GM2A: variants seen among roughly 807,000 people sequenced by gnomAD.
GM2A encodes the protein GM2 ganglioside activator.
A neutral mutation model predicts 12.9 loss-of-function variants in GM2A; 7 were observed. The observed-to-expected ratio is 0.54, with a 90% CI of 0.31 to 1.02. The LOEUF is 1.02. GM2A is among the 50% of genes least tolerant of loss of function. The pLI, the probability that GM2A is intolerant of heterozygous loss-of-function variation, is 0.05. For synonymous variants in GM2A, 101 were observed against 96.0 expected, an observed-to-expected ratio of 1.05 and a Z score of -0.30; for missense variants, 246 against 241.0, an observed-to-expected ratio of 1.02 and a Z score of -0.14.
intron 2 of GM2A, among the ~76,000 whole-genome samples, chr5:151,261,686 G>A (rs1459146921): frequency 6.6e-6 from 1 of 152,162 alleles, no homozygotes; most frequent in Non-Finnish European, 1.5e-5. Context: ...CAATGTGCCT[G>A]CCTCGGCCTC....
In GM2A at chr5:151,267,815, C is replaced by CTT. The variant is rs397712620; in HGVS notation, c.*375_*376dup. On this transcript the variant is annotated 3_prime_UTR_variant, in exon 4 of 4. Transcript: ENST00000357164. ...TCTTTATGACTCTCTCTCTTTCACT[C>CTT]TTTTTTTTTTTTGTCACTAAGTTAA... The CTT allele has an allele frequency of 2.0e-5, 21 of 1,030,732 alleles. No individual in the cohort carries two copies. The highest frequency in any genetic ancestry group is 4.1e-5 in the South Asian group (2 of 48,306). The allele number at this position is 1,030,732 out of a possible 1,614,324, so 63.8% of individuals were successfully genotyped here. A position where few individuals can be genotyped will look rare whatever the true frequency, so the allele number is the denominator to read the frequency against.
At position 151,262,122 on chromosome 5, in the gene GM2A, C is replaced by T. The variant is rs78608090; in HGVS notation, c.243+2206C>T. ...ACTTTGGGAATAACCTGTTTGTTTC[C>T]ATCCATTGACTATTTTAGGGGTGTA... On this transcript the variant is annotated intron_variant, in intron 2 of 3. Coordinates refer to ENST00000357164, the MANE Select transcript of GM2A (RefSeq NM_000405.5). Among the ~76,000 whole-genome samples the T allele has an allele frequency of 5.6e-3, 859 of 152,242 alleles. 38 individuals carry two copies. In the East Asian group the frequency reaches 0.093, roughly 16 times the overall value.
intron 2 of GM2A, among the ~76,000 whole-genome samples, chr5:151,264,879 G>C (rs1233115142): frequency 5.3e-5 from 8 of 152,044 alleles, no homozygotes; most frequent in African/African-American, 1.9e-4. Flanking sequence ...CTACTCAGGA[G>C]GCTAAGACAG....
Position 151,269,340 on chromosome 5 carries a change from G to T in GM2A, c.*1889G>T. On this transcript the variant is annotated 3_prime_UTR_variant, in exon 4 of 4. Coordinates refer to ENST00000357164, the MANE Select transcript of GM2A (RefSeq NM_000405.5). ...CTCTTTTGGTTGGAAGGGTTTGTTG[G>T]AACGGTACAGGTGAGCCGAGGTGAT... 1 of 985,486 alleles carries T rather than the reference G, an allele frequency of 1.0e-6. No individual in the cohort carries two copies. The highest frequency in any genetic ancestry group is 1.2e-6 in the Non-Finnish European group (1 of 829,994). The allele number at this position is 985,486 out of a possible 1,614,324, so 61.0% of individuals were successfully genotyped here. A position where few individuals can be genotyped will look rare whatever the true frequency, so the allele number is the denominator to read the frequency against.
chr5:151,261,156 C>G (rs1753791820), intron 2 of GM2A, among the ~76,000 whole-genome samples: 1 of 152,158 alleles, frequency 6.6e-6, no homozygotes, highest in African/African-American at 2.4e-5. Flanking sequence ...TCCTGAGTAG[C>G]TGGGACCACA....
Position 151,266,963 on chromosome 5 carries a change from G to A in GM2A, c.426+50G>A, listed in dbSNP as rs777122960. On this transcript the variant is annotated intron_variant, in intron 3 of 3. Coordinates refer to ENST00000357164, the MANE Select transcript of GM2A (RefSeq NM_000405.5). ...GTTACCCCTGTGGCTAAAGAGATGG[G>A]GTTTGGAGAGAAGGGTCTTTGCATT... 5 of 1,423,848 alleles carry A rather than the reference G, an allele frequency of 3.5e-6. 1 individual carries two copies. In the South Asian group the frequency reaches 4.6e-5, roughly 13 times the overall value. 88.2% of individuals were successfully genotyped at this position (1,423,848 alleles called of 1,614,324 possible). A position where few individuals can be genotyped will look rare whatever the true frequency, so the allele number is the denominator to read the frequency against.
chr5:151,270,240 A>G lies in GM2A; in HGVS notation c.*2789A>G, dbSNP rs1037290014. 6.1e-5 allele frequency: 30 copies of G among 490,008 alleles called. No individual in the cohort carries two copies. In the Admixed American group the frequency reaches 6.1e-4, roughly 10 times the overall value. The allele number at this position is 490,008 out of a possible 1,614,324, so 30.4% of individuals were successfully genotyped here. A position where few individuals can be genotyped will look rare whatever the true frequency, so the allele number is the denominator to read the frequency against. ...AGACCTGTACTTCACACCATATGCAAGAATGAACTCCATCTGGATCCAGGA... is the reference window on the plus strand; with the variant it reads ...AGACCTGTACTTCACACCATATGCAGGAATGAACTCCATCTGGATCCAGGA... On this transcript the variant is annotated 3_prime_UTR_variant, in exon 4 of 4. Coordinates refer to ENST00000357164, the MANE Select transcript of GM2A (RefSeq NM_000405.5).
rs569734211 is a variant in GM2A, at chr5:151,269,882, G to A, written c.*2431G>A. The A allele has an allele frequency of 1.2e-5, 9 of 735,640 alleles. No homozygotes were observed. The highest frequency in any genetic ancestry group is 6.7e-5 in the South Asian group (1 of 15,028). 45.6% of individuals were successfully genotyped at this position (735,640 alleles called of 1,614,324 possible). ...TTTCCTTTTTCAAACCTATACTGTTGTTGGTGAATTCTTTTTACCAACCCA... is the reference window on the plus strand; with the variant it reads ...TTTCCTTTTTCAAACCTATACTGTTATTGGTGAATTCTTTTTACCAACCCA... On this transcript the variant is annotated 3_prime_UTR_variant, in exon 4 of 4. Transcript: ENST00000357164.
At position 151,264,074 on chromosome 5, in the gene GM2A, G is replaced by C. The variant is rs1753842510; in HGVS notation, c.244-2657G>C. 2.6e-5 allele frequency among the ~76,000 whole-genome samples: 4 copies of C among 152,288 alleles called. No homozygotes were observed. In the South Asian group the frequency reaches 8.3e-4, roughly 32 times the overall value. The stretch of plus-strand genomic sequence containing the variant: ...CCCTCCCTCAAGTTCCAGCCTGTGG[G>C]ACCCTGGTTTTCCCATCCTCAAGAA... On this transcript the variant is annotated intron_variant, in intron 2 of 3. Coordinates refer to ENST00000357164, the MANE Select transcript of GM2A (RefSeq NM_000405.5).
intron 1 of GM2A, among the ~76,000 whole-genome samples, chr5:151,256,099 C>G (rs1753680197): frequency 6.6e-6 from 1 of 152,136 alleles, no homozygotes; most frequent in Non-Finnish European, 1.5e-5. Flanking sequence ...AGTTCCTCTT[C>G]TAGCATAACT....
intron 1 of GM2A, among the ~76,000 whole-genome samples, chr5:151,255,130 C>G (rs1401874517): frequency 6.6e-6 from 1 of 152,052 alleles, no homozygotes. Flanking sequence ...GGTGAAGCCC[C>G]ATCTCTGCAA....
Position 151,267,348 on chromosome 5 carries a change from C to G in GM2A, c.479C>G (p.Pro160Arg). ...TTCGTTGTGCCTGACCTGGAGCTGC[C>G]CAGTTGGCTCACCACCGGGAACTAC... ...SEFVVPDLELPSWLTTGNYRI... is the reference protein window; with the variant it reads ...SEFVVPDLELRSWLTTGNYRI... The change falls in exon 4 of 4, where the codon CCC becomes CGC. Residue 160 changes from proline (P) to arginine (R), a missense_variant. Pro to Arg is a moderately radical substitution (Grantham distance 103). Transcript: ENST00000357164. 1.2e-6 allele frequency: 2 copies of G among 1,614,076 alleles called. No individual in the cohort carries two copies. Among genetic ancestry groups the G allele is most frequent in the Non-Finnish European group, 1.7e-6 (2 of 1,179,980 alleles).
At position 151,268,827 on chromosome 5, in the gene GM2A, T is replaced by G; in HGVS notation, c.*1376T>G. The G allele has an allele frequency of 1.0e-6, 1 of 980,506 alleles. No homozygotes were observed. Among genetic ancestry groups the G allele is most frequent in the Non-Finnish European group, 1.2e-6 (1 of 825,482 alleles). The allele number at this position is 980,506 out of a possible 1,614,324, so 60.7% of individuals were successfully genotyped here. ...TGTCCCAAACGGACTGGCTCATGGG[T>G]GGCCACGTCACAACCTCTGATCTCA... On this transcript the variant is annotated 3_prime_UTR_variant, in exon 4 of 4. Coordinates refer to ENST00000357164, the MANE Select transcript of GM2A (RefSeq NM_000405.5).
intron 2 of GM2A, among the ~76,000 whole-genome samples, chr5:151,263,237 C>T (rs532242992): frequency 2.2e-4 from 33 of 151,612 alleles, no homozygotes; most frequent in South Asian, 1.0e-3. Flanking sequence ...GGATTATAGG[C>T]GTGCACTTTT....
chr5:151,268,868 G>T lies in GM2A; in HGVS notation c.*1417G>T. The T allele has an allele frequency of 9.1e-6, 9 of 985,448 alleles. No individual in the cohort carries two copies. Among genetic ancestry groups the T allele is most frequent in the Non-Finnish European group, 1.1e-5 (9 of 829,958 alleles). The allele number at this position is 985,448 out of a possible 1,614,324, so 61.0% of individuals were successfully genotyped here. ...TCTGATCTCAGACCGTGCATGCCTT[G>T]TCCTCTTAAGACAACTCCTGTGGCA... On this transcript the variant is annotated 3_prime_UTR_variant, in exon 4 of 4. Transcript: ENST00000357164.
At chr5:151,267,146 A>G (rs1753902561) in intron 3 of GM2A, 150 bp from the exon 4 acceptor site, 3 of 1,010,548 alleles carry the variant, frequency 3.0e-6, no homozygotes, top group Non-Finnish European at 4.6e-6. Flanking sequence ...TCCATGCTCT[A>G]CAGTGCTATG....
At chr5:151,253,528 C>G (rs958200284) in intron 1 of GM2A, among the ~76,000 whole-genome samples, 1 of 152,228 alleles carries the variant, frequency 6.6e-6, no homozygotes, top group Admixed American at 6.5e-5. Context: ...CGTCTGCACT[C>G]TCCTGCCCTC....
Position 151,267,678 on chromosome 5 carries a change from A to ACCACGTTACTCATCCCCG in GM2A, c.*227_*228insCCACGTTACTCATCCCCG. ...TGGACAGTTCTTGATAGCCCAGGGC[A>ACCACGTTACTCATCCCCG]TCTGCTGGGCTGACCACGTTACTCA... On this transcript the variant is annotated 3_prime_UTR_variant, in exon 4 of 4. Coordinates refer to ENST00000357164, the MANE Select transcript of GM2A (RefSeq NM_000405.5). 1 of 1,478,184 alleles carries ACCACGTTACTCATCCCCG rather than the reference A, an allele frequency of 6.8e-7. No individual in the cohort carries two copies. The allele number at this position is 1,478,184 out of a possible 1,614,324, so 91.6% of individuals were successfully genotyped here. A position where few individuals can be genotyped will look rare whatever the true frequency, so the allele number is the denominator to read the frequency against.
Position 151,270,048 on chromosome 5 carries a change from T to C in GM2A, c.*2597T>C. ...ACATTCTTGACCGAATCTCAGTAGC[T>C]CAGTTAATCTTTTTATGTCTGCTCT... On this transcript the variant is annotated 3_prime_UTR_variant, in exon 4 of 4. Transcript: ENST00000357164. 1 of 1,230,506 alleles carries C rather than the reference T, an allele frequency of 8.1e-7. No homozygotes were observed. Among genetic ancestry groups the C allele is most frequent in the Non-Finnish European group, 1.0e-6 (1 of 987,730 alleles). 76.2% of individuals were successfully genotyped at this position (1,230,506 alleles called of 1,614,324 possible).
Sources: gnomAD v4.1 joint callset for allele counts (sites outside exome capture counted in the v4.1 genomes callset) on GRCh38, gnomAD v4.1.1 for gene constraint, MANE v1.5 for transcripts, NCBI Gene and HGNC (gene_info 2026-07-23, HGNC 2026-07-21) for gene names.